Variants in APOO observed in about 807,000 individuals in gnomAD.
The protein encoded by APOO is MICOS complex subunit MIC26.
In APOO, 11 loss-of-function variants were observed where a neutral mutation model predicts 23.1. The observed-to-expected ratio is 0.48, with a 90% CI of 0.30 to 0.79. The LOEUF is 0.79. APOO is among the 30% of genes least tolerant of loss of function. APOO has a pLI of 0.07. For missense variants in APOO, 160 were observed against 142.7 expected (o/e 1.12, Z -0.62); for synonymous variants, 59 against 54.8 (o/e 1.08, Z -0.34).
intron 1 of APOO, among the ~76,000 whole-genome samples, chrX:23,893,299 G>C (rs1926755338): frequency 9.2e-6 from 1 of 108,464 alleles, no homozygotes; most frequent in Non-Finnish European, 1.9e-5. Context: ...AGGCGTGGTG[G>C]TGGGAACCTG....
rs763421362 is a variant in APOO at position 23,872,776 on chromosome X, C to T, written c.292+1627G>A. 7.3e-4 allele frequency among the ~76,000 whole-genome samples: 81 copies of T among 110,651 alleles called. No individual in the cohort carries two copies. The South Asian group carries it at 0.027, about 36-fold the overall frequency. The stretch of plus-strand genomic sequence containing the variant: ...TATTTAAAATGTACAATAAGCTAGG[C>T]GCGGTGGCTCACACCTGTAATCCCA... On this transcript the variant is annotated intron_variant, in intron 4 of 8. Transcript: ENST00000379226.
intron 8 of APOO, among the ~76,000 whole-genome samples, chrX:23,838,371 AAAAAAAG>A (rs1336238921): frequency 2.9e-5 from 3 of 103,855 alleles, no homozygotes; most frequent in East Asian, 3.0e-4. Context: ...AAAAAAAAAA[AAAAAAAG>A]AAAGAAAGAA....
chrX:23,855,498 A>T (rs766206918), intron 7 of APOO, among the ~76,000 whole-genome samples: 78 of 110,883 alleles, frequency 7.0e-4, no homozygotes, highest in South Asian at 1.5e-3. Flanking sequence ...ATTTTTTTTT[A>T]AAAAGTATTT....
chrX:23,865,473 G>A (rs1166056138), intron 5 of APOO, among the ~76,000 whole-genome samples: 1 of 109,845 alleles, frequency 9.1e-6, no homozygotes, highest in Non-Finnish European at 1.9e-5. Context: ...GCATGGTGGT[G>A]CACGCCTGTA....
intron 7 of APOO, among the ~76,000 whole-genome samples, chrX:23,848,434 G>A (rs1343414113): frequency 3.6e-5 from 4 of 111,971 alleles, no homozygotes; most frequent in African/African-American, 1.3e-4. Context: ...AAAGTGCTGG[G>A]ATTACAGGCG....
In APOO at chrX:23,863,914, C is replaced by G. The variant is rs770970231; in HGVS notation, c.388+4679G>C. Reference sequence around the variant, plus strand: ...GTAGAGGATGAAACTAGAGAATACACATGGCCTTGACTCCACTGAGAGGCA... The same window carrying G: ...GTAGAGGATGAAACTAGAGAATACAGATGGCCTTGACTCCACTGAGAGGCA... On this transcript the variant is annotated intron_variant, in intron 5 of 8. Coordinates refer to ENST00000379226, the MANE Select transcript of APOO (RefSeq NM_024122.5). 4.5e-5 allele frequency among the ~76,000 whole-genome samples: 5 copies of G among 110,753 alleles called. No homozygotes were observed. The East Asian group carries it at 1.1e-3, about 25-fold the overall frequency.
intron 8 of APOO, among the ~76,000 whole-genome samples, chrX:23,834,942 C>T (rs1385471269): frequency 1.8e-5 from 2 of 109,269 alleles, no homozygotes; most frequent in Admixed American, 2.0e-4. Context: ...AGGCTGGTCT[C>T]GAACTCCTGA....
At chrX:23,856,963 A>G (rs1177238045) in intron 6 of APOO, among the ~76,000 whole-genome samples, 3 of 112,335 alleles carry the variant, frequency 2.7e-5, no homozygotes, top group Admixed American at 9.5e-5. Flanking sequence ...GCTGGGGGCC[A>G]TTATCTTAAG....
chrX:23,894,385 C>G (rs1569244561), intron 1 of APOO, among the ~76,000 whole-genome samples: 1 of 110,750 alleles, frequency 9.0e-6, no homozygotes, highest in Non-Finnish European at 1.9e-5. Flanking sequence ...CCTCAGGCCT[C>G]CCAAAGTGCT....
intron 8 of APOO, among the ~76,000 whole-genome samples, chrX:23,836,458 G>C (rs1402839411): frequency 9.0e-6 from 1 of 111,318 alleles, no homozygotes; most frequent in Non-Finnish European, 1.9e-5. Context: ...GGGACTACAG[G>C]CGCACGCCAC....
chrX:23,886,383 G>C (rs1366890509), intron 1 of APOO, among the ~76,000 whole-genome samples: 1 of 111,681 alleles, frequency 9.0e-6, no homozygotes, highest in East Asian at 2.8e-4. Context: ...ATCTTGATTG[G>C]GGTATGGGTT....
At chrX:23,885,783 T>G (rs993624935) in intron 1 of APOO, among the ~76,000 whole-genome samples, 2 of 111,095 alleles carry the variant, frequency 1.8e-5, no homozygotes, top group Non-Finnish European at 3.8e-5. Flanking sequence ...CAGCAAGAAC[T>G]GTGGCCACAA....
intron 8 of APOO, chrX:23,837,367 T>C (rs1473414809): frequency 5.0e-6 from 4 of 795,524 alleles, no homozygotes; most frequent in Non-Finnish European, 7.3e-6. Context: ...TTATGTATGA[T>C]AATATAATTA....
At chrX:23,877,246 T>C (rs949027890) in intron 3 of APOO, among the ~76,000 whole-genome samples, 4 of 112,126 alleles carry the variant, frequency 3.6e-5, no homozygotes, top group Non-Finnish European at 7.5e-5. Flanking sequence ...TACCAGAAGT[T>C]TAAAAATCTT....
At chrX:23,891,531 T>C (rs1289466109) in intron 1 of APOO, among the ~76,000 whole-genome samples, 1 of 111,616 alleles carries the variant, frequency 9.0e-6, no homozygotes, top group East Asian at 2.8e-4. Flanking sequence ...CTGGCCAAAA[T>C]CTAAGTCTTT....
At chrX:23,895,783 G>C (rs1926870338) in intron 1 of APOO, among the ~76,000 whole-genome samples, 1 of 105,713 alleles carries the variant, frequency 9.5e-6, no homozygotes, top group African/African-American at 3.5e-5. Context: ...TGGCGGTAAA[G>C]AATCAAGCTT....
At chrX:23,847,820 T>C (rs773324836) in intron 7 of APOO, among the ~76,000 whole-genome samples, 249 of 102,279 alleles carry the variant, frequency 2.4e-3, no homozygotes, top group East Asian at 4.8e-3. Flanking sequence ...TATATATATA[T>C]ACACACACAC....
At chrX:23,868,404 T>TA (rs929727704) in intron 5 of APOO, among the ~76,000 whole-genome samples, 189 bp downstream of exon 5, 1 of 112,276 alleles carries the variant, frequency 8.9e-6, no homozygotes, top group Non-Finnish European at 1.9e-5. Flanking sequence ...TTCTTTTTTT[T>TA]ACCAAGAGTA....
intron 5 of APOO, among the ~76,000 whole-genome samples, chrX:23,863,563 C>G (rs938428659): frequency 8.9e-6 from 1 of 111,838 alleles, no homozygotes; most frequent in Admixed American, 9.6e-5. Flanking sequence ...CCCAACCAAA[C>G]TGTCACATGG....
Sources: gnomAD v4.1 joint callset for allele counts (sites outside exome capture counted in the v4.1 genomes callset) on GRCh38, gnomAD v4.1.1 for gene constraint, MANE v1.5 for transcripts, NCBI Gene and HGNC (gene_info 2026-07-23, HGNC 2026-07-21) for gene names.